The following FRK variants were observed in gnomAD, a reference collection of about 807,000 sequenced individuals.
FRK encodes tyrosine-protein kinase FRK.
A neutral mutation model predicts 56.4 loss-of-function variants in FRK; 51 were observed. The observed-to-expected ratio is 0.90, with a 90% confidence interval of 0.72 to 1.14. The LOEUF (loss-of-function observed/expected upper bound fraction) is 1.14. Ranked by LOEUF, FRK falls within the 50% of genes most tolerant of loss-of-function variation. FRK has a pLI of 0.00. For missense variants in FRK, 570 were observed against 601.4 expected (o/e 0.95, Z 0.55); for synonymous variants, 245 against 217.9 (o/e 1.12, Z -1.10).
Position 116,008,950 on chromosome 6 carries a change from G to A in FRK, c.345-4952C>T, listed in dbSNP as rs141129799. Among the ~76,000 whole-genome samples the A allele has an allele frequency of 4.6e-3, 704 of 152,282 alleles. 6 individuals are homozygous for A. Among genetic ancestry groups the A allele is most frequent in the African/African-American group, 0.016 (674 of 41,548 alleles). ...CCTTAGACAAATCAAATGTAACAGA[G>A]TTTAATTGAGCAAAGAATGATTCAC... is the stretch of plus-strand genomic sequence containing the variant. On this transcript the variant is annotated intron_variant, in intron 1 of 7. Coordinates refer to ENST00000606080, the MANE Select transcript of FRK (RefSeq NM_002031.3).
chr6:116,080,545 C>A, the FRK span, among the ~76,000 whole-genome samples: 1 of 152,172 alleles, frequency 6.6e-6, no homozygotes, highest in Non-Finnish European at 1.5e-5. Context: ...CTATAACATA[C>A]CACATTTATA....
At chr6:116,061,902 T>C (rs900848811), upstream of FRK, among the ~76,000 whole-genome samples, 14 of 147,710 alleles carry the variant, frequency 9.5e-5, no homozygotes, top group African/African-American at 3.0e-4. Context: ...TTGCAAGGCA[T>C]TTAGTAATCA....
rs754420222 is a variant in FRK at position 115,944,428 on chromosome 6, A to C, written c.959-3T>G. 3.8e-6 allele frequency: 6 copies of C among 1,587,412 alleles called. No homozygotes were observed. In the East Asian group the frequency reaches 1.3e-4, roughly 35 times the overall value. The stretch of plus-strand genomic sequence containing the variant: ...ATGGATTTTTGATCCAGTGTCATCT[A>C]AGTAATAAGAGAAAAGTAAGAAAGT... On this transcript the variant is annotated splice_region_variant and splice_polypyrimidine_tract_variant and intron_variant, in intron 5 of 7. Transcript: ENST00000606080.
At chr6:115,945,846 A>T (rs1772424363) in intron 5 of FRK, among the ~76,000 whole-genome samples, 1 of 152,128 alleles carries the variant, frequency 6.6e-6, no homozygotes. Flanking sequence ...CCCACTACTA[A>T]TTCTTTATAA....
rs1562244717 is a variant in FRK at position 115,939,776 on chromosome 6, T to G, written c.*2638A>C. On this transcript the variant is annotated 3_prime_UTR_variant, in exon 8 of 8. Transcript: ENST00000606080. ...ATCTAGGATTACAACTTACAAGGGATGCAAAGGACCTCTTCAAGGAGAACT... is the reference window on the plus strand; with the variant it reads ...ATCTAGGATTACAACTTACAAGGGAGGCAAAGGACCTCTTCAAGGAGAACT... 1 of 152,136 alleles carries G rather than the reference T, an allele frequency of 6.6e-6. No individual in the cohort carries two copies. The highest frequency in any genetic ancestry group is 1.5e-5 in the Non-Finnish European group (1 of 68,028). 9.4% of individuals were successfully genotyped at this position (152,136 alleles called of 1,614,324 possible). A position where few individuals can be genotyped will look rare whatever the true frequency, so the allele number is the denominator to read the frequency against.
At chr6:116,063,552 A>T (rs1777691564), upstream of FRK, among the ~76,000 whole-genome samples, 1 of 152,102 alleles carries the variant, frequency 6.6e-6, no homozygotes, top group Non-Finnish European at 1.5e-5. Context: ...GGTTACCGGA[A>T]GCTGGGGAAT....
At chr6:115,981,443 CA>C (rs1774196037) in intron 2 of FRK, among the ~76,000 whole-genome samples, 1 of 151,994 alleles carries the variant, frequency 6.6e-6, no homozygotes, top group Non-Finnish European at 1.5e-5. Context: ...AACATTTAAC[CA>C]CTAATTTCCT....
Position 115,935,983 on chromosome 6 carries a change from G to A in FRK, c.*6431C>T, listed in dbSNP as rs1042498976. 3.3e-5 allele frequency: 5 copies of A among 152,508 alleles called. No individual in the cohort carries two copies. Among genetic ancestry groups the A allele is most frequent in the African/African-American group, 1.2e-4 (5 of 41,448 alleles). The allele number at this position is 152,508 out of a possible 1,614,324, so 9.4% of individuals were successfully genotyped here. A position where few individuals can be genotyped will look rare whatever the true frequency, so the allele number is the denominator to read the frequency against. ...TAGTGGATTTCCCAGCACAGTGCTC[G>A]AGCTCTGGTAAGAGTCAGACTGCCT... On this transcript the variant is annotated 3_prime_UTR_variant, in exon 8 of 8. Coordinates refer to ENST00000606080, the MANE Select transcript of FRK (RefSeq NM_002031.3).
the FRK span, among the ~76,000 whole-genome samples, chr6:116,083,901 T>C: frequency 2.6e-5 from 4 of 151,808 alleles, no homozygotes; most frequent in African/African-American, 9.7e-5. Flanking sequence ...ACTCAAGTGA[T>C]TGTCCCACCT....
chr6:116,083,361 GA>G, the FRK span, among the ~76,000 whole-genome samples: 7 of 149,668 alleles, frequency 4.7e-5, no homozygotes, highest in Admixed American at 2.0e-4. Flanking sequence ...GTTTGCATGG[GA>G]AAAAAAAAGC....
At chr6:116,091,379 C>T in the FRK span, among the ~76,000 whole-genome samples, 2 of 152,174 alleles carry the variant, frequency 1.3e-5, no homozygotes, top group South Asian at 4.1e-4. Context: ...CGGCAGCCTG[C>T]TTGGGTCCCC....
intron 1 of FRK, among the ~76,000 whole-genome samples, chr6:116,007,864 G>A (rs1775306010): frequency 2.0e-5 from 3 of 152,044 alleles, no homozygotes; most frequent in South Asian, 2.1e-4. Flanking sequence ...TACAGCATTT[G>A]AAAGTTGGGG....
chr6:116,033,723 G>A (rs1169173740), intron 1 of FRK, among the ~76,000 whole-genome samples: 1 of 152,136 alleles, frequency 6.6e-6, no homozygotes, highest in Non-Finnish European at 1.5e-5. Flanking sequence ...CTAAGTCAGA[G>A]AGAAAACTGC....
chr6:116,090,618 C>T, the FRK span, among the ~76,000 whole-genome samples: 1 of 152,168 alleles, frequency 6.6e-6, no homozygotes, highest in African/African-American at 2.4e-5. Context: ...TAGAGGCAAC[C>T]TAAAATCACC....
rs905109984 is a variant in FRK, at chr6:115,934,210, C to T, written c.*8204G>A. 1 of 152,156 alleles carries T rather than the reference C, an allele frequency of 6.6e-6. No homozygotes were observed. The highest frequency in any genetic ancestry group is 2.4e-5 in the African/African-American group (1 of 41,434). 9.4% of individuals were successfully genotyped at this position (152,156 alleles called of 1,614,324 possible). ...CTTAATGAACACCTCTCCAGCATCT[C>T]ATATTCTCTGCTTTTATTCAGATAA... On this transcript the variant is annotated 3_prime_UTR_variant, in exon 8 of 8. Coordinates refer to ENST00000606080, the MANE Select transcript of FRK (RefSeq NM_002031.3).
At chr6:115,983,401 G>A (rs1774279908) in intron 2 of FRK, among the ~76,000 whole-genome samples, 1 of 152,120 alleles carries the variant, frequency 6.6e-6, no homozygotes, top group Non-Finnish European at 1.5e-5. Context: ...TAACCTTGGA[G>A]CTACTGTTTA....
At chr6:116,099,919 T>G in the FRK span, among the ~76,000 whole-genome samples, 1 of 152,262 alleles carries the variant, frequency 6.6e-6, no homozygotes, top group Non-Finnish European at 1.5e-5. Context: ...AATAAAGATC[T>G]CAAAGTGCTA....
At chr6:116,074,322 GT>G in the FRK span, among the ~76,000 whole-genome samples, 1 of 152,090 alleles carries the variant, frequency 6.6e-6, no homozygotes, top group Non-Finnish European at 1.5e-5. Context: ...GGGACTGAGG[GT>G]CTCCAGCTCT....
chr6:115,950,543 A>C (rs980647820), intron 5 of FRK, among the ~76,000 whole-genome samples: 21 of 152,360 alleles, frequency 1.4e-4, no homozygotes, highest in African/African-American at 4.8e-4. Context: ...GATGTGGAGA[A>C]AGAGGAATGC....
Sources: allele counts gnomAD v4.1 joint callset (sites outside exome capture counted in the v4.1 genomes callset), GRCh38; gene constraint gnomAD v4.1.1; transcripts MANE v1.5; gene names NCBI Gene and HGNC (gene_info 2026-07-23, HGNC 2026-07-21).